The following PCDHA11 variants were observed in gnomAD, a reference collection of about 807,000 sequenced individuals.
PCDHA11 encodes the protein protocadherin alpha-11.
PCDHA11 carries 61 observed loss-of-function variants against 70.3 expected under a neutral mutation model. The ratio of observed to expected loss-of-function variants is 0.87; its 90% confidence interval spans 0.71 to 1.07. The LOEUF (loss-of-function observed/expected upper bound fraction) is 1.07, where lower values mean the gene tolerates loss of function less well. Among genes scored for constraint, PCDHA11 ranks in the 50% least tolerant of loss-of-function variants. The pLI, the probability that PCDHA11 is intolerant of heterozygous loss-of-function variation, is 0.00. For synonymous variants in PCDHA11, 633 were observed against 555.1 expected, an observed-to-expected ratio of 1.14 and a Z score of -1.97; for missense variants, 1,324 against 1,237.5, an observed-to-expected ratio of 1.07 and a Z score of -1.05.
In PCDHA11 at chr5:140,870,933, G is replaced by T; in HGVS notation, c.1830G>T (p.Leu610Phe). 1 of 1,613,802 alleles carries T rather than the reference G, an allele frequency of 6.2e-7. No homozygotes were observed. Among genetic ancestry groups the T allele is most frequent in the Non-Finnish European group, 8.5e-7 (1 of 1,179,890 alleles). Residue 610 changes from leucine (L) to phenylalanine (F), a missense_variant, in exon 1 of 4, where the codon TTG becomes TTT. Transcript: ENST00000398640. ...SGYNAWLSYELQPAAGGSRIP... is the reference protein window; with the variant it reads ...SGYNAWLSYEFQPAAGGSRIP... ...ACAACGCGTGGCTTTCATATGAATTGCAGCCGGCGGCGGGCGGCTCGCGCA... is the reference window on the plus strand; with the variant it reads ...ACAACGCGTGGCTTTCATATGAATTTCAGCCGGCGGCGGGCGGCTCGCGCA...
At chr5:140,956,474 C>G (rs1585669580) in intron 1 of PCDHA11, among the ~76,000 whole-genome samples, 1 of 152,160 alleles carries the variant, frequency 6.6e-6, no homozygotes, top group East Asian at 1.9e-4. Flanking sequence ...ATATGTTGAA[C>G]CAGTCTTGCA....
At position 140,869,879 on chromosome 5, in the gene PCDHA11, C is replaced by A. The variant is rs781975601; in HGVS notation, c.776C>A (p.Thr259Asn). The change falls in exon 1 of 4, where the codon ACT becomes AAT. Residue 259 changes from threonine to asparagine, a missense_variant. Thr to Asn is a moderately conservative substitution (Grantham distance 65). Coordinates refer to ENST00000398640, the MANE Select transcript of PCDHA11 (RefSeq NM_018902.5). ...CTTATGGAAAATGCTGCTAAAGAAA[C>A]TCTTGTGCTCAAACTAAACGCCACA... ...VSLMENAAKE[T>N]LVLKLNATDR... 1.2e-6 allele frequency: 2 copies of A among 1,610,194 alleles called. No individual in the cohort carries two copies. Among genetic ancestry groups the A allele is most frequent in the Non-Finnish European group, 1.7e-6 (2 of 1,178,018 alleles).
At position 140,963,092 on chromosome 5, in the gene PCDHA11, C is replaced by T. The variant is rs1202521389; in HGVS notation, c.2392-15857C>T. Among the ~76,000 whole-genome samples, 3 of 151,976 alleles carry T rather than the reference C, an allele frequency of 2.0e-5. No homozygotes were observed. The South Asian group carries it at 6.2e-4, about 32-fold the overall frequency. On this transcript the variant is annotated intron_variant, in intron 1 of 3. Transcript: ENST00000398640. Reference sequence around the variant, plus strand: ...GGAGACAGAAATATAAGACATGGCTCCTGCTTTCAGGTTGCTTATAATTAA... The same window carrying T: ...GGAGACAGAAATATAAGACATGGCTTCTGCTTTCAGGTTGCTTATAATTAA...
intron 1 of PCDHA11, among the ~76,000 whole-genome samples, chr5:140,970,865 T>C (rs1255232385): frequency 6.6e-6 from 1 of 152,180 alleles, no homozygotes; most frequent in Non-Finnish European, 1.5e-5. Context: ...CCATTCCTGA[T>C]TGAGAGTAGA....
chr5:140,881,463 T>C, intron 1 of PCDHA11: 1 of 599,796 alleles, frequency 1.7e-6, no homozygotes, highest in Non-Finnish European at 2.1e-6. Flanking sequence ...CCTTAGAGCA[T>C]TGTTGTGGCT....
intron 1 of PCDHA11, among the ~76,000 whole-genome samples, chr5:140,888,523 T>C (rs1316582829): frequency 6.6e-6 from 1 of 152,244 alleles, no homozygotes; most frequent in African/African-American, 2.4e-5. Flanking sequence ...AGTTCTGACG[T>C]GAAGTTAAGT....
At chr5:140,896,541 T>C (rs2065612579) in intron 1 of PCDHA11, among the ~76,000 whole-genome samples, 1 of 151,728 alleles carries the variant, frequency 6.6e-6, no homozygotes, top group South Asian at 2.1e-4. Flanking sequence ...TTTTTCTTTT[T>C]TTTTTTTGTA....
intron 1 of PCDHA11, among the ~76,000 whole-genome samples, chr5:140,931,894 A>G (rs1242530874): frequency 1.3e-5 from 2 of 151,966 alleles, no homozygotes; most frequent in African/African-American, 4.8e-5. Flanking sequence ...TTTTATTTCA[A>G]ATCATTTGAA....
chr5:140,870,402 T>G lies in PCDHA11; in HGVS notation c.1299T>G (p.Ser433=), dbSNP rs782585618. The G allele has an allele frequency of 5.0e-6, 8 of 1,614,212 alleles. No individual in the cohort carries two copies. The highest frequency in any genetic ancestry group is 5.1e-6 in the Non-Finnish European group (6 of 1,180,026). ...CTGCGCGGGATGGGGGTTCGCCTTC[T>G]CTGTGGGCCACGGCCAGGGTATCCG... ...VVTARDGGSP[S]LWATARVSVE... is the part of the protein sequence containing the mutation. The change falls in exon 1 of 4, where the codon TCT becomes TCG. Residue 433 remains serine, a synonymous_variant. Coordinates refer to ENST00000398640, the MANE Select transcript of PCDHA11 (RefSeq NM_018902.5).
At chr5:140,901,340 T>G (rs1306421981) in intron 1 of PCDHA11, among the ~76,000 whole-genome samples, 1 of 152,206 alleles carries the variant, frequency 6.6e-6, no homozygotes, top group Non-Finnish European at 1.5e-5. Context: ...CGTTTTATAG[T>G]TTGATGTCTT....
At chr5:140,973,599 T>C (rs952944512) in intron 1 of PCDHA11, among the ~76,000 whole-genome samples, 7 of 152,258 alleles carry the variant, frequency 4.6e-5, no homozygotes, top group African/African-American at 1.4e-4. Flanking sequence ...GATGGAATTA[T>C]GGCTGAGCTC....
chr5:140,960,467 C>A (rs1554224775), intron 1 of PCDHA11, among the ~76,000 whole-genome samples: 1 of 152,010 alleles, frequency 6.6e-6, no homozygotes, highest in Non-Finnish European at 1.5e-5. Context: ...GAGAAGTAAT[C>A]CTTCTTACAC....
intron 3 of PCDHA11, among the ~76,000 whole-genome samples, chr5:140,991,593 C>T (rs2097461164): frequency 6.6e-6 from 1 of 152,196 alleles, no homozygotes; most frequent in South Asian, 2.1e-4. Flanking sequence ...TCTACCTGAG[C>T]CCTCACTGGC....
chr5:140,905,632 G>A lies in PCDHA11; in HGVS notation c.2391+34138G>A, dbSNP rs146826869. 9.9e-4 allele frequency among the ~76,000 whole-genome samples: 150 copies of A among 152,224 alleles called. 1 individual carries two copies. Among genetic ancestry groups the A allele is most frequent in the African/African-American group, 3.4e-3 (141 of 41,546 alleles). ...TCTATAGATTGCTTTTGACAGTATG[G>A]TCAGTTTCACAGTATTGATTCCTGT... On this transcript the variant is annotated intron_variant, in intron 1 of 3. Transcript: ENST00000398640.
At position 140,969,430 on chromosome 5, in the gene PCDHA11, A is replaced by T. The variant is rs1554231789; in HGVS notation, c.2392-9519A>T. 4 of 1,554,706 alleles carry T rather than the reference A, an allele frequency of 2.6e-6. No homozygotes were observed. The Admixed American group carries it at 7.8e-5, about 30-fold the overall frequency. ...CTTTATTGAGTCATTAACAGTGACA[A>T]GAGTTATCTGGTAAACTGAGTATAT... On this transcript the variant is annotated intron_variant, in intron 1 of 3. Transcript: ENST00000398640.
intron 1 of PCDHA11, chr5:140,967,692 G>C (rs781940460): frequency 6.2e-7 from 1 of 1,614,196 alleles, no homozygotes; most frequent in Admixed American, 1.7e-5. Flanking sequence ...CAGCTCTTCA[G>C]CATAGATGCC....
At chr5:140,927,906 C>G (rs116016831) in intron 1 of PCDHA11, 1 of 1,614,180 alleles carries the variant, frequency 6.2e-7, no homozygotes, top group Non-Finnish European at 8.5e-7. Flanking sequence ...ATCATGCCCC[C>G]GAACTGGACT....
chr5:140,898,067 T>C (rs2066506598), intron 1 of PCDHA11, among the ~76,000 whole-genome samples: 1 of 152,122 alleles, frequency 6.6e-6, no homozygotes, highest in Admixed American at 6.5e-5. Context: ...TTGTTTGAGT[T>C]CATTGTAGAT....
chr5:140,932,032 A>G (rs2087965086), intron 1 of PCDHA11, among the ~76,000 whole-genome samples: 1 of 151,934 alleles, frequency 6.6e-6, no homozygotes, highest in African/African-American at 2.4e-5. Context: ...TTTACAGTAT[A>G]TATTAACATA....
Sources: allele counts gnomAD v4.1 joint callset (sites outside exome capture counted in the v4.1 genomes callset), GRCh38; gene constraint gnomAD v4.1.1; transcripts MANE v1.5; gene names NCBI Gene and HGNC (gene_info 2026-07-23, HGNC 2026-07-21).